CPA6: variants seen among roughly 807,000 people sequenced by gnomAD.
The protein encoded by CPA6 is carboxypeptidase A6, also known as carboxypeptidase B.
In CPA6, 58 loss-of-function variants were observed where a neutral mutation model predicts 63.3. That is an observed-to-expected ratio of 0.92 (90% confidence interval 0.74 to 1.14). The LOEUF is 1.14. Ranked by LOEUF, CPA6 falls within the 50% of genes most tolerant of loss-of-function variation. The pLI, the probability that CPA6 is intolerant of heterozygous loss-of-function variation, is 0.00. For synonymous variants in CPA6, 185 were observed against 179.0 expected (o/e 1.03, Z -0.27); for missense variants, 565 against 526.6 (o/e 1.07, Z -0.71).
rs56290630 is a variant in CPA6, at chr8:67,491,035, C to T, written c.637-6246G>A. On this transcript the variant is annotated intron_variant, in intron 6 of 10. Transcript: ENST00000297770. ...CACACTGGCAGAACGAAGCCTGTTA[C>T]AGCTAAGGCCAAAGAAAGGGGCACA... Among the ~76,000 whole-genome samples the T allele has an allele frequency of 5.9e-3, 891 of 152,086 alleles. 8 individuals are homozygous for T. The highest frequency in any genetic ancestry group is 0.021 in the African/African-American group (852 of 41,458).
chr8:67,667,233 T>C (rs1816250527), intron 1 of CPA6, among the ~76,000 whole-genome samples: 1 of 151,638 alleles, frequency 6.6e-6, no homozygotes, highest in Non-Finnish European at 1.5e-5. Context: ...GAGCCCGATG[T>C]CATTTCGGAT....
intron 1 of CPA6, among the ~76,000 whole-genome samples, chr8:67,662,462 T>TACACACGTATATGTATATATAGAATACAG: frequency 2.7e-5 from 4 of 149,344 alleles, no homozygotes; most frequent in African/African-American, 9.8e-5. Context: ...ATAGAATACA[T>TACACACGTATATGTATATATAGAATACAG]ACACACGTAT....
At chr8:67,475,849 TTC>T (rs1811191990) in intron 8 of CPA6, among the ~76,000 whole-genome samples, 2 of 97,876 alleles carry the variant, frequency 2.0e-5, no homozygotes, top group African/African-American at 8.5e-5. Context: ...CTTTCTTTCT[TTC>T]TTTCTTTCTT....
rs1007221543 is a variant in CPA6, at chr8:67,473,918, TA to T, written c.838+9849del. Among the ~76,000 whole-genome samples, 953 of 146,012 alleles carry T rather than the reference TA, an allele frequency of 6.5e-3. 3 individuals are homozygous for T. The highest frequency in any genetic ancestry group is 0.024 in the Middle Eastern group (7 of 288). On this transcript the variant is annotated intron_variant, in intron 8 of 10. Transcript: ENST00000297770. ...CACCATGACTGGTAGCAGAGGAGAT[TA>T]AAAAAAAAAAGTATAAAACATTTTT...
chr8:67,730,452 CT>C (rs1817685168), intron 1 of CPA6, among the ~76,000 whole-genome samples: 1 of 152,104 alleles, frequency 6.6e-6, no homozygotes, highest in Non-Finnish European at 1.5e-5. Flanking sequence ...GAATCCTGTC[CT>C]TTTTGGGTTT....
At chr8:67,565,054 G>A (rs1813303197) in intron 2 of CPA6, among the ~76,000 whole-genome samples, 1 of 152,186 alleles carries the variant, frequency 6.6e-6, no homozygotes, top group African/African-American at 2.4e-5. Context: ...TAAAGCTAGA[G>A]ATGGCTATCT....
At chr8:67,698,211 A>T (rs1816948061) in intron 1 of CPA6, among the ~76,000 whole-genome samples, 1 of 152,238 alleles carries the variant, frequency 6.6e-6, no homozygotes, top group Admixed American at 6.5e-5. Flanking sequence ...ATGTCTGTCC[A>T]GATGGGGGTT....
intron 1 of CPA6, among the ~76,000 whole-genome samples, chr8:67,632,398 C>A (rs1170744439): frequency 6.6e-6 from 1 of 152,032 alleles, no homozygotes; most frequent in East Asian, 1.9e-4. Context: ...CTCTCAAACT[C>A]CTGGACTCAA....
intron 1 of CPA6, among the ~76,000 whole-genome samples, chr8:67,680,857 AC>A (rs1199206606): frequency 6.6e-6 from 1 of 152,088 alleles, no homozygotes; most frequent in Non-Finnish European, 1.5e-5. Context: ...AATTTGCATT[AC>A]TCTAATGACT....
Position 67,466,781 on chromosome 8 carries a change from A to G in CPA6, c.838+16987T>C, listed in dbSNP as rs141754636. Among the ~76,000 whole-genome samples the G allele has an allele frequency of 3.3e-3, 498 of 152,296 alleles. 7 individuals are homozygous for G. The highest frequency in any genetic ancestry group is 0.011 in the African/African-American group (458 of 41,554). ...ACTGTGTGGTTGAGAAAACATTTGAAAGAAGGAAAAACAACACTAGTCCTC... is the reference window on the plus strand; with the variant it reads ...ACTGTGTGGTTGAGAAAACATTTGAGAGAAGGAAAAACAACACTAGTCCTC... On this transcript the variant is annotated intron_variant, in intron 8 of 10. Coordinates refer to ENST00000297770, the MANE Select transcript of CPA6 (RefSeq NM_020361.5).
chr8:67,702,613 T>G (rs1266393185), intron 1 of CPA6, among the ~76,000 whole-genome samples: 1 of 152,224 alleles, frequency 6.6e-6, no homozygotes, highest in East Asian at 1.9e-4. Context: ...GGCTCAAGCA[T>G]GCACACTAAG....
At chr8:67,542,874 A>C (rs2128971191) in intron 2 of CPA6, among the ~76,000 whole-genome samples, 1 of 152,252 alleles carries the variant, frequency 6.6e-6, no homozygotes, top group South Asian at 2.1e-4. Flanking sequence ...CTTTCTGAAT[A>C]TTGTCCTTGT....
intron 9 of CPA6, among the ~76,000 whole-genome samples, chr8:67,431,749 GA>G (rs1258176380): frequency 6.6e-6 from 1 of 152,156 alleles, no homozygotes; most frequent in Non-Finnish European, 1.5e-5. Flanking sequence ...TAGCAGTATA[GA>G]ATATAATTAT....
rs138016750 is a variant in CPA6 at position 67,558,318 on chromosome 8, A to G, written c.193-40271T>C. Among the ~76,000 whole-genome samples, 922 of 152,228 alleles carry G rather than the reference A, an allele frequency of 6.1e-3. 7 individuals carry two copies. The highest frequency in any genetic ancestry group is 0.021 in the African/African-American group (860 of 41,548). The stretch of plus-strand genomic sequence containing the variant: ...TATATAATCCGTTTATTTCTTTCGT[A>G]GCCTTTATCACCATCTGTAGCTATC... On this transcript the variant is annotated intron_variant, in intron 2 of 10. Transcript: ENST00000297770.
chr8:67,573,641 C>T (rs1396983764), intron 2 of CPA6, among the ~76,000 whole-genome samples: 1 of 151,572 alleles, frequency 6.6e-6, no homozygotes, highest in African/African-American at 2.4e-5. Context: ...ACCTGTAATC[C>T]CAGCACTTTG....
chr8:67,661,045 T>A (rs1385528507), intron 1 of CPA6, among the ~76,000 whole-genome samples: 1 of 152,218 alleles, frequency 6.6e-6, no homozygotes, highest in Non-Finnish European at 1.5e-5. Flanking sequence ...TTTATTCAAG[T>A]ATTTACTGAA....
At chr8:67,521,601 T>C (rs1330022664) in intron 2 of CPA6, among the ~76,000 whole-genome samples, 1 of 152,212 alleles carries the variant, frequency 6.6e-6, no homozygotes, top group Admixed American at 6.5e-5. Flanking sequence ...GCTGAGGCTA[T>C]TTGAAAAGCA....
chr8:67,709,043 C>T (rs1293644585), intron 1 of CPA6, among the ~76,000 whole-genome samples: 1 of 152,154 alleles, frequency 6.6e-6, no homozygotes, highest in Non-Finnish European at 1.5e-5. Flanking sequence ...GGAAAGTGTG[C>T]TCAAGCATGC....
intron 2 of CPA6, among the ~76,000 whole-genome samples, chr8:67,616,474 T>C (rs895752634): frequency 1.3e-5 from 2 of 151,350 alleles, no homozygotes; most frequent in African/African-American, 4.9e-5. Flanking sequence ...ACTGTCATCC[T>C]CCATCTGGGA....
Sources: allele counts gnomAD v4.1 joint callset (sites outside exome capture counted in the v4.1 genomes callset), GRCh38; gene constraint gnomAD v4.1.1; transcripts MANE v1.5; gene names NCBI Gene and HGNC (gene_info 2026-07-23, HGNC 2026-07-21).